The following REV3L variants were observed in gnomAD, a reference collection of about 807,000 sequenced individuals.
REV3L encodes REV3 like, DNA directed polymerase zeta catalytic subunit.
In REV3L, 69 loss-of-function variants were observed where a neutral mutation model predicts 299.4. The observed-to-expected ratio is 0.23, with a 90% CI of 0.19 to 0.28. The LOEUF (loss-of-function observed/expected upper bound fraction) is 0.28, where lower values mean the gene tolerates loss of function less well. Among genes scored for constraint, REV3L ranks in the 10% least tolerant of loss-of-function variants. The pLI, the probability that REV3L is intolerant of heterozygous loss-of-function variation, is 1.00. For missense variants in REV3L, 3,128 were observed against 3,693.8 expected, an observed-to-expected ratio of 0.85 and a Z score of 3.97; for synonymous variants, 1,238 against 1,271.4, an observed-to-expected ratio of 0.97 and a Z score of 0.56.
chr6:111,323,285 A>C (rs1489199808), intron 25 of REV3L, among the ~76,000 whole-genome samples: 2 of 152,076 alleles, frequency 1.3e-5, no homozygotes, highest in African/African-American at 4.8e-5. Flanking sequence ...ACCGTGCCCG[A>C]CCTATTCAAC....
At position 111,339,992 on chromosome 6, in the gene REV3L, T is replaced by TA. The variant is rs1276176522; in HGVS notation, c.7538+3932dup. Among the ~76,000 whole-genome samples, 4 of 152,090 alleles carry TA rather than the reference T, an allele frequency of 2.6e-5. No homozygotes were observed. In the East Asian group the frequency reaches 7.7e-4, roughly 29 times the overall value. ...CGGAAAGGAGGAAGGGAAACATACT[T>TA]ATAAAGCACATGCTACTCAGGATAG... On this transcript the variant is annotated intron_variant, in intron 21 of 31. Transcript: ENST00000368802.
chr6:111,455,997 G>A (rs1406896816), intron 1 of REV3L, among the ~76,000 whole-genome samples: 2 of 152,156 alleles, frequency 1.3e-5, no homozygotes. Flanking sequence ...AGATCAAGTA[G>A]GGGAAATAGC....
rs554888953 is a variant in REV3L, at chr6:111,380,153, C to T, written c.1283G>A (p.Gly428Glu). Reference protein sequence around the residue: ...LAGLESDGYRGERNRMPSPCR... With the variant: ...LAGLESDGYREERNRMPSPCR... ...TGGTGATGGCATCCTATTTCTTTCC[C>T]CCCGATATCCATCACTTTCCAAACC... Residue 428 changes from glycine to glutamate, a missense_variant, in exon 11 of 32, where the codon GGG becomes GAG. Transcript: ENST00000368802. The T allele has an allele frequency of 6.2e-7, 1 of 1,614,064 alleles. No individual in the cohort carries two copies. Among genetic ancestry groups the T allele is most frequent in the South Asian group, 1.1e-5 (1 of 91,080 alleles).
Position 111,338,311 on chromosome 6 carries a change from CCT to C in REV3L, c.7539-2703_7539-2702del, listed in dbSNP as rs1562144500. 6.5e-4 allele frequency among the ~76,000 whole-genome samples: 32 copies of C among 49,028 alleles called. 2 individuals carry two copies. The highest frequency in any genetic ancestry group is 8.7e-4 in the Non-Finnish European group (25 of 28,856). 32.2% of individuals were successfully genotyped at this position (49,028 alleles called of 152,430 possible). On this transcript the variant is annotated intron_variant, in intron 21 of 31. Coordinates refer to ENST00000368802, the MANE Select transcript of REV3L (RefSeq NM_001372078.1). The stretch of plus-strand genomic sequence containing the variant: ...TTCTTTGTTTACTCCAGTCTAAAGT[CCT>C]TTTTTTTTTTTTTTTTTTTTTTTTT...
chr6:111,335,069 A>G (rs1016082622), intron 22 of REV3L, among the ~76,000 whole-genome samples: 2 of 152,180 alleles, frequency 1.3e-5, no homozygotes, highest in African/African-American at 4.8e-5. Context: ...AACATTTAAA[A>G]AAGTTACATA....
chr6:111,470,938 C>T (rs755390091), intron 1 of REV3L, among the ~76,000 whole-genome samples: 5 of 151,938 alleles, frequency 3.3e-5, no homozygotes, highest in Non-Finnish European at 5.9e-5. Flanking sequence ...CAAGATTGTG[C>T]CACTACACTC....
At chr6:111,341,172 G>A (rs778240441) in intron 21 of REV3L, among the ~76,000 whole-genome samples, 12 of 151,548 alleles carry the variant, frequency 7.9e-5, no homozygotes, top group Non-Finnish European at 1.2e-4. Flanking sequence ...TCAGCCTCCC[G>A]AGTAGCTGGG....
intron 16 of REV3L, among the ~76,000 whole-genome samples, chr6:111,362,083 A>G (rs184451292): frequency 2.0e-5 from 3 of 152,192 alleles, no homozygotes; most frequent in African/African-American, 7.2e-5. Flanking sequence ...ACATATTTTT[A>G]AAAAAGTTTT....
intron 19 of REV3L, 29 bp from the exon 20 acceptor site, chr6:111,349,365 G>T: frequency 8.9e-7 from 1 of 1,118,152 alleles, no homozygotes; most frequent in South Asian, 1.5e-5. Context: ...ACTGTATCAG[G>T]GCTCACAGAA....
chr6:111,398,731 G>A (rs1782782890), intron 4 of REV3L, among the ~76,000 whole-genome samples: 1 of 151,988 alleles, frequency 6.6e-6, no homozygotes, highest in Admixed American at 6.6e-5. Context: ...TAATGTGCCT[G>A]AGATAACATG....
chr6:111,419,556 C>T (rs536208044), intron 1 of REV3L, among the ~76,000 whole-genome samples: 10 of 152,248 alleles, frequency 6.6e-5, no homozygotes, highest in African/African-American at 2.4e-4. Context: ...ACTACAACTC[C>T]CGTTAGTTAG....
At chr6:111,421,976 A>G (rs1261801732) in intron 1 of REV3L, among the ~76,000 whole-genome samples, 1 of 152,192 alleles carries the variant, frequency 6.6e-6, no homozygotes, top group Non-Finnish European at 1.5e-5. Context: ...AACGAACTAA[A>G]CAAAACTCAG....
Position 111,333,207 on chromosome 6 carries a change from T to A in REV3L, c.7841A>T (p.Asp2614Val). 6.2e-7 allele frequency: 1 copy of A among 1,614,086 alleles called. No homozygotes were observed. Among genetic ancestry groups the A allele is most frequent in the Non-Finnish European group, 8.5e-7 (1 of 1,180,008 alleles). ...AATAGAAGGATAAAGTGATTGGAAA[T>A]CCAAAACGAGAACAGAGTTGCTATA... ...RFYSNSVLVL[D>V]FQSLYPSIVI... The change falls in exon 23 of 32, where the codon GAT becomes GTT. Residue 2614 changes from aspartate to valine, a missense_variant. This residue lies in a region of REV3L where 149 missense variants were observed against 286.4 expected (regional missense o/e 0.52). Transcript: ENST00000368802.
At chr6:111,356,905 G>A in intron 18 of REV3L, 109 bp downstream of exon 18, 1 of 493,882 alleles carries the variant, frequency 2.0e-6, no homozygotes, top group Non-Finnish European at 3.6e-6. Context: ...AGGGTCATAG[G>A]AAGGGATTCG....
chr6:111,465,968 C>T (rs574540275), intron 1 of REV3L, among the ~76,000 whole-genome samples: 8 of 152,226 alleles, frequency 5.3e-5, no homozygotes, highest in South Asian at 2.1e-4. Context: ...TACAGTGCTA[C>T]TCAAATGCCA....
At chr6:111,301,768 C>T (rs2114675042) in intron 31 of REV3L, among the ~76,000 whole-genome samples, 1 of 152,120 alleles carries the variant, frequency 6.6e-6, no homozygotes, top group East Asian at 1.9e-4. Flanking sequence ...TAATGTTTTA[C>T]ACAATGATCA....
intron 26 of REV3L, among the ~76,000 whole-genome samples, chr6:111,315,942 G>A (rs577631607): frequency 1.3e-5 from 2 of 152,306 alleles, no homozygotes; most frequent in African/African-American, 4.8e-5. Context: ...TGCTAAAAAG[G>A]TTGGGGACTG....
chr6:111,446,549 C>T (rs750737107), intron 1 of REV3L, among the ~76,000 whole-genome samples: 1 of 152,042 alleles, frequency 6.6e-6, no homozygotes, highest in Admixed American at 6.6e-5. Flanking sequence ...ACTAAAAATA[C>T]AATTAGCCAG....
chr6:111,335,951 C>T (rs1242955462), intron 21 of REV3L, among the ~76,000 whole-genome samples: 1 of 150,616 alleles, frequency 6.6e-6, no homozygotes, highest in Non-Finnish European at 1.5e-5. Flanking sequence ...CTTTAAGATA[C>T]AGCTGCTGAT....
Sources: allele counts gnomAD v4.1 joint callset (sites outside exome capture counted in the v4.1 genomes callset), GRCh38; gene constraint gnomAD v4.1.1; regional missense constraint gnomAD v4.1.1; transcripts MANE v1.5; gene names NCBI Gene and HGNC (gene_info 2026-07-23, HGNC 2026-07-21).